MAP3K15: variants seen among roughly 807,000 people sequenced by gnomAD.
MAP3K15 encodes the protein mitogen-activated protein kinase kinase kinase 15, also known as MAPK/ERK kinase kinase 15.
Under a neutral mutation model 99.5 loss-of-function variants are expected in MAP3K15, and 124 were observed. The ratio of observed to expected loss-of-function variants is 1.25; its 90% CI spans 1.08 to 1.45. The LOEUF (loss-of-function observed/expected upper bound fraction) is 1.45. Among genes scored for constraint, MAP3K15 ranks in the 40% most tolerant of loss-of-function variants. MAP3K15 has a pLI of 0.00. For synonymous variants in MAP3K15, 494 were observed against 439.6 expected (o/e 1.12, Z -1.55); for missense variants, 1,242 against 1,079.7 (o/e 1.15, Z -2.11).
At chrX:19,472,159 G>A (rs902608345) in intron 3 of MAP3K15, among the ~76,000 whole-genome samples, 2 of 109,896 alleles carry the variant, frequency 1.8e-5, no homozygotes, top group African/African-American at 3.3e-5. Flanking sequence ...GGGAGGTGGA[G>A]CTTGCAGTGA....
intron 6 of MAP3K15, among the ~76,000 whole-genome samples, chrX:19,440,314 A>G (rs2147326488): frequency 8.9e-6 from 1 of 112,276 alleles, no homozygotes; most frequent in South Asian, 3.7e-4. Context: ...AAATACTTAG[A>G]GTGGTCTTTG....
intron 18 of MAP3K15, among the ~76,000 whole-genome samples, chrX:19,388,060 C>G (rs1168114874): frequency 2.7e-5 from 3 of 112,805 alleles, no homozygotes; most frequent in East Asian, 2.8e-4. Context: ...GAGAAAAAGA[C>G]AACACCCAGC....
At chrX:19,373,320 T>C in intron 21 of MAP3K15, 1 of 354,298 alleles carries the variant, frequency 2.8e-6, no homozygotes, top group Non-Finnish European at 4.7e-6. Context: ...GGAGGGCACA[T>C]GTGGGGAATG....
rs370173616 is a variant in MAP3K15 at position 19,488,902 on chromosome X, G to A, written c.427C>T (p.Arg143Ter). 2.2e-5 allele frequency: 26 copies of A among 1,196,419 alleles called. No individual in the cohort carries two copies. The highest frequency in any genetic ancestry group is 8.9e-5 in the East Asian group (3 of 33,695). The change falls in exon 2 of 29, where the codon CGA becomes TGA. Residue 143 changes from arginine to a stop codon, truncating the protein, a stop_gained. Transcript: ENST00000338883. LOFTEE classifies it high-confidence loss of function. ...QPSLFYHLGV[R>*]ESFDMANNVI... ...TTATTGGCCATGTCAAAGCTTTCTC[G>A]GACTCCAAGATGGTAGAAGAGGGAA...
intron 18 of MAP3K15, among the ~76,000 whole-genome samples, chrX:19,384,320 G>C (rs1415055019): frequency 9.1e-6 from 1 of 110,382 alleles, no homozygotes. Context: ...AGAGTAGAAG[G>C]ATGGTTACCA....
chrX:19,417,990 T>C (rs185015475), intron 9 of MAP3K15, among the ~76,000 whole-genome samples: 147 of 111,764 alleles, frequency 1.3e-3, no homozygotes, highest in African/African-American at 4.6e-3. Context: ...TCCTGAGTGT[T>C]AGAAGGAAAA....
intron 3 of MAP3K15, among the ~76,000 whole-genome samples, chrX:19,472,130 A>G (rs2064211832): frequency 9.1e-6 from 1 of 109,858 alleles, no homozygotes; most frequent in African/African-American, 3.3e-5. Flanking sequence ...AGGCTGAGGG[A>G]GAAGAATGGC....
chrX:19,450,182 C>T (rs2064027374), intron 6 of MAP3K15, among the ~76,000 whole-genome samples: 1 of 109,474 alleles, frequency 9.1e-6, no homozygotes, highest in African/African-American at 3.3e-5. Context: ...ATATTGATTT[C>T]CTATGTGCCT....
chrX:19,373,010 G>A, intron 21 of MAP3K15, 183 bp from the exon 22 acceptor site: 2 of 366,871 alleles, frequency 5.5e-6, no homozygotes, highest in South Asian at 6.1e-5. Flanking sequence ...CACAGCAGGA[G>A]GGAGAGCAGA....
chrX:19,459,273 C>T (rs1447576297), intron 5 of MAP3K15, among the ~76,000 whole-genome samples: 1 of 111,986 alleles, frequency 8.9e-6, no homozygotes, highest in Non-Finnish European at 1.9e-5. Flanking sequence ...CCTCAGTTTC[C>T]TCATGTGTAA....
chrX:19,459,469 C>T (rs907063054), intron 5 of MAP3K15, among the ~76,000 whole-genome samples: 1 of 112,311 alleles, frequency 8.9e-6, no homozygotes, highest in South Asian at 3.7e-4. Flanking sequence ...ACACCAGCCC[C>T]GATGTGACAA....
In MAP3K15 at chrX:19,515,269, C is replaced by T; in HGVS notation, c.-8G>A. 1 of 885,431 alleles carries T rather than the reference C, an allele frequency of 1.1e-6. No individual in the cohort carries two copies. Among genetic ancestry groups the T allele is most frequent in the Non-Finnish European group, 1.4e-6 (1 of 721,665 alleles). The allele number at this position is 885,431 out of a possible 1,213,427, so 73.0% of individuals were successfully genotyped here. A position where few individuals can be genotyped will look rare whatever the true frequency, so the allele number is the denominator to read the frequency against. On this transcript the variant is annotated 5_prime_UTR_variant, in exon 1 of 29. Transcript: ENST00000338883. Reference sequence around the variant, plus strand: ...CCCACCGCCGCTCTCCATGTGCCCGCCTGCGCGCCCTTCCCCTGGGCGAGT... The same window carrying T: ...CCCACCGCCGCTCTCCATGTGCCCGTCTGCGCGCCCTTCCCCTGGGCGAGT...
chrX:19,393,502 G>T (rs369509633), intron 16 of MAP3K15, among the ~76,000 whole-genome samples: 1 of 110,560 alleles, frequency 9.0e-6, no homozygotes, highest in East Asian at 2.9e-4. Context: ...GTGGTGGCAC[G>T]CACTTGTAAT....
intron 3 of MAP3K15, chrX:19,466,526 T>TC (rs1046678881): frequency 3.6e-5 from 4 of 111,881 alleles, no homozygotes; most frequent in Non-Finnish European, 7.5e-5. Context: ...TGCCTGCGGC[T>TC]CCCCCTTCCA....
intron 18 of MAP3K15, among the ~76,000 whole-genome samples, chrX:19,387,900 G>A (rs748663696): frequency 2.7e-5 from 3 of 112,522 alleles, no homozygotes; most frequent in African/African-American, 9.7e-5. Context: ...CCCTGCCCAC[G>A]ACACAGGAGT....
At chrX:19,420,983 C>T (rs1405751672) in intron 9 of MAP3K15, among the ~76,000 whole-genome samples, 13 of 111,324 alleles carry the variant, frequency 1.2e-4, no homozygotes, top group South Asian at 7.6e-4. Context: ...AATTCAACAA[C>T]GCTTCATGCT....
intron 14 of MAP3K15, among the ~76,000 whole-genome samples, chrX:19,399,584 A>G (rs1041189576): frequency 3.8e-5 from 4 of 105,939 alleles, no homozygotes; most frequent in African/African-American, 1.4e-4. Flanking sequence ...AAATACAAAA[A>G]TTAGCCAGGC....
intron 9 of MAP3K15, among the ~76,000 whole-genome samples, chrX:19,417,550 C>T (rs1013941201): frequency 8.9e-6 from 1 of 111,891 alleles, no homozygotes; most frequent in Non-Finnish European, 1.9e-5. Context: ...CCGGGAAGCT[C>T]GAACTGGGTG....
intron 3 of MAP3K15, among the ~76,000 whole-genome samples, chrX:19,469,837 A>G: frequency 9.1e-6 from 1 of 109,950 alleles, no homozygotes; most frequent in African/African-American, 3.4e-5. Flanking sequence ...AATGCAAATC[A>G]AAACCACAAT....
Sources: allele counts gnomAD v4.1 joint callset (sites outside exome capture counted in the v4.1 genomes callset), GRCh38; gene constraint gnomAD v4.1.1; transcripts MANE v1.5; gene names NCBI Gene and HGNC (gene_info 2026-07-23, HGNC 2026-07-21).